NASP: variants seen among roughly 807,000 people sequenced by gnomAD.
The protein encoded by NASP is nuclear autoantigenic sperm protein, also known as NASP histone chaperone.
In NASP, 24 loss-of-function variants were observed where a neutral mutation model predicts 89.5. The observed-to-expected ratio is 0.27, with a 90% CI of 0.19 to 0.38. The LOEUF (loss-of-function observed/expected upper bound fraction) is 0.38. NASP is among the 10% of genes least tolerant of loss of function. The pLI, the probability that NASP is intolerant of heterozygous loss-of-function variation, is 1.00. For missense variants in NASP, 848 were observed against 921.4 expected, an observed-to-expected ratio of 0.92 and a Z score of 1.03; for synonymous variants, 306 against 324.7, an observed-to-expected ratio of 0.94 and a Z score of 0.62.
rs764033560 is a variant in NASP at position 45,616,649 on chromosome 1, C to T, written c.2103C>T (p.Asp701=). Residue 701 remains aspartate (D), a synonymous_variant, in exon 13 of 15, where the codon GAC becomes GAT. Coordinates refer to ENST00000350030, the MANE Select transcript of NASP (RefSeq NM_002482.4). ...AGATTGCCAGTAGAAAGCCAACAGA[C>T]GGTGCTTCCTCATCAAATTGTGTGA... ...VSMIASRKPT[D]GASSSNCVTD... The T allele has an allele frequency of 2.5e-5, 40 of 1,613,996 alleles. No individual in the cohort carries two copies. Among genetic ancestry groups the T allele is most frequent in the Admixed American group, 1.7e-4 (10 of 60,006 alleles).
chr1:45,598,349 T>C (rs946763625), intron 2 of NASP, among the ~76,000 whole-genome samples: 1 of 152,158 alleles, frequency 6.6e-6, no homozygotes, highest in Non-Finnish European at 1.5e-5. Context: ...TTTGTATTTT[T>C]AGTAGAGACG....
intron 1 of NASP, among the ~76,000 whole-genome samples, chr1:45,589,716 A>T (rs1001752125): frequency 2.0e-5 from 3 of 152,124 alleles, no homozygotes; most frequent in Admixed American, 6.5e-5. Context: ...ACTGGCTAAC[A>T]TGGTGAAACC....
chr1:45,608,995 A>G (rs191723199), intron 6 of NASP, among the ~76,000 whole-genome samples: 24 of 152,260 alleles, frequency 1.6e-4, no homozygotes, highest in Admixed American at 1.6e-3. Context: ...CATAACCATT[A>G]GCTCTCTTCC....
intron 6 of NASP, chr1:45,611,226 T>C (rs1004427758): frequency 1.3e-5 from 2 of 152,242 alleles, no homozygotes; most frequent in Non-Finnish European, 2.9e-5. Flanking sequence ...TAAATTGATA[T>C]TGTTATCTTC....
Position 45,616,710 on chromosome 1 carries a change from CTACA to C in NASP, c.2157+9_2157+12del. 6.2e-7 allele frequency: 1 copy of C among 1,608,696 alleles called. No individual in the cohort carries two copies. Among genetic ancestry groups the C allele is most frequent in the Non-Finnish European group, 8.5e-7 (1 of 1,175,014 alleles). On this transcript the variant is annotated splice_region_variant and intron_variant, in intron 13 of 14. Transcript: ENST00000350030. ...CCACCTTGTCAGAAAGAAGGTAAGT[CTACA>C]TGTGGTGTTTCTTTTCTACCGTTTC...
Position 45,605,030 on chromosome 1 carries a change from A to G in NASP, c.299+14A>G, listed in dbSNP as rs774340960. On this transcript the variant is annotated intron_variant, in intron 4 of 14. Coordinates refer to ENST00000350030, the MANE Select transcript of NASP (RefSeq NM_002482.4). ...GGAGTTGGCAAGGTATGGATGTTGT[A>G]TTTAAAAACTGAAGTTTCCTTGTTA... The G allele has an allele frequency of 1.9e-6, 3 of 1,582,432 alleles. No individual in the cohort carries two copies. Among genetic ancestry groups the G allele is most frequent in the Non-Finnish European group, 1.7e-6 (2 of 1,151,878 alleles).
At chr1:45,614,901 A>G in intron 9 of NASP, 112 bp from the exon 10 acceptor site, 1 of 954,202 alleles carries the variant, frequency 1.0e-6, no homozygotes, top group Non-Finnish European at 1.5e-6. Context: ...ATAACTATAA[A>G]CAAAAATGGA....
chr1:45,617,218 A>G, intron 13 of NASP: 1 of 433,792 alleles, frequency 2.3e-6, no homozygotes, highest in Non-Finnish European at 4.1e-6. Flanking sequence ...TACCATTCAC[A>G]TCTCCTCACC....
At chr1:45,611,326 T>C (rs1448332219) in intron 6 of NASP, 3 of 152,146 alleles carry the variant, frequency 2.0e-5, no homozygotes, top group African/African-American at 4.8e-5. Flanking sequence ...ACTTGGAAGT[T>C]TTACATCAAA....
intron 14 of NASP, 33 bp downstream of exon 14, chr1:45,617,624 T>C (rs1337050266): frequency 6.5e-7 from 1 of 1,540,624 alleles, no homozygotes; most frequent in African/African-American, 1.4e-5. Flanking sequence ...GCCTCTTGCC[T>C]CATTCCTTGT....
intron 3 of NASP, among the ~76,000 whole-genome samples, chr1:45,602,915 G>A (rs979083640): frequency 2.6e-5 from 4 of 152,202 alleles, no homozygotes; most frequent in Non-Finnish European, 5.9e-5. Flanking sequence ...ACAGGCATGA[G>A]CCACTGAGCC....
In NASP at chr1:45,618,076, G is replaced by A. The variant is rs1335324849; in HGVS notation, c.2302G>A (p.Glu768Lys). Residue 768 changes from glutamate to lysine, a missense_variant, in exon 15 of 15, where the codon GAA becomes AAA. By Grantham distance (56) the Glu-to-Lys change is moderately conservative (BLOSUM62 1). Around this residue, in one of 5 missense-constraint regions of NASP, gnomAD observed 218 missense variants for 219.6 expected, o/e 0.99. Coordinates refer to ENST00000350030, the MANE Select transcript of NASP (RefSeq NM_002482.4). Reference protein sequence around the residue: ...NMEEEAENQAESRAAVEGTVE... With the variant: ...NMEEEAENQAKSRAAVEGTVE... Reference sequence around the variant, plus strand: ...TGTCTTCCAGGCTGAGAATCAGGCTGAAAGCCGGGCAGCAGTGGAGGGGAC... The same window carrying A: ...TGTCTTCCAGGCTGAGAATCAGGCTAAAAGCCGGGCAGCAGTGGAGGGGAC... 2.5e-6 allele frequency: 4 copies of A among 1,602,178 alleles called. No individual in the cohort carries two copies. In the South Asian group the frequency reaches 3.4e-5, roughly 14 times the overall value.
At chr1:45,617,901 A>G (rs893997798) in intron 14 of NASP, among the ~76,000 whole-genome samples, 160 bp from the exon 15 acceptor site, 1 of 152,230 alleles carries the variant, frequency 6.6e-6, no homozygotes, top group Admixed American at 6.5e-5. Context: ...ATTATCACAG[A>G]GTATTCAAGA....
intron 2 of NASP, among the ~76,000 whole-genome samples, chr1:45,600,757 C>T (rs1462193713): frequency 6.6e-6 from 1 of 152,168 alleles, no homozygotes; most frequent in Non-Finnish European, 1.5e-5. Context: ...TAAGAAACGT[C>T]CAAACTGTTT....
At chr1:45,596,626 T>C (rs917678302) in intron 2 of NASP, among the ~76,000 whole-genome samples, 12 of 152,240 alleles carry the variant, frequency 7.9e-5, no homozygotes, top group Non-Finnish European at 1.5e-4. Context: ...CAAGATAGAC[T>C]GGTTTTTAAT....
chr1:45,593,715 T>C (rs1476564331), intron 2 of NASP, among the ~76,000 whole-genome samples: 1 of 151,404 alleles, frequency 6.6e-6, no homozygotes, highest in African/African-American at 2.4e-5. Flanking sequence ...TCTTATGAAA[T>C]ACTGCTTGGC....
chr1:45,594,065 G>A (rs570786675), intron 2 of NASP, among the ~76,000 whole-genome samples: 5 of 151,608 alleles, frequency 3.3e-5, no homozygotes, highest in East Asian at 3.9e-4. Flanking sequence ...AGGGCTAGGC[G>A]CGGTGGCTCA....
chr1:45,590,015 T>C lies in NASP; in HGVS notation c.60-1208T>C, dbSNP rs79440661. Among the ~76,000 whole-genome samples, 84 of 152,308 alleles carry C rather than the reference T, an allele frequency of 5.5e-4. No homozygotes were observed. The East Asian group carries it at 0.013, about 24-fold the overall frequency. On this transcript the variant is annotated intron_variant, in intron 1 of 14. Transcript: ENST00000350030. The stretch of plus-strand genomic sequence containing the variant: ...AGAGCATGGTTCTAGAAACCAGCAG[T>C]GTGTCACCTGGGCAGTTGTTAGAAA...
At chr1:45,599,588 C>T (rs955403241) in intron 2 of NASP, among the ~76,000 whole-genome samples, 24 of 152,076 alleles carry the variant, frequency 1.6e-4, no homozygotes, top group East Asian at 1.9e-4. Flanking sequence ...CCACCACGCC[C>T]GGCTAACTTT....
Sources: allele counts gnomAD v4.1 joint callset (sites outside exome capture counted in the v4.1 genomes callset), GRCh38; gene constraint gnomAD v4.1.1; regional missense constraint gnomAD v4.1.1; transcripts MANE v1.5; gene names NCBI Gene and HGNC (gene_info 2026-07-23, HGNC 2026-07-21).